UGT1A6: variants seen among roughly 807,000 people sequenced by gnomAD.
UGT1A6 encodes the protein UDP glucuronosyltransferase family 1 member A6.
UGT1A6 carries 32 observed loss-of-function variants against 44.4 expected under a neutral mutation model. That is an observed-to-expected ratio of 0.72 (90% CI 0.54 to 0.97). The LOEUF is 0.97. Among genes scored for constraint, UGT1A6 ranks in the 50% least tolerant of loss-of-function variants. The pLI is 0.00. For missense variants in UGT1A6, 685 were observed against 661.9 expected (o/e 1.03, Z -0.38); for synonymous variants, 238 against 248.5 (o/e 0.96, Z 0.40).
At chr2:233,739,410 G>A (rs1691084493) in intron 1 of UGT1A6, among the ~76,000 whole-genome samples, 1 of 152,204 alleles carries the variant, frequency 6.6e-6, no homozygotes, top group Non-Finnish European at 1.5e-5. Flanking sequence ...GCCACCCTCT[G>A]AAAGCAGCCA....
intron 1 of UGT1A6, chr2:233,713,113 G>A: frequency 6.2e-7 from 1 of 1,614,226 alleles, no homozygotes; most frequent in Non-Finnish European, 8.5e-7. Flanking sequence ...GGCAGCCACT[G>A]GCTCAGCATG....
rs562389152 is a variant in UGT1A6 at position 233,767,124 on chromosome 2, G to C, written c.952G>C (p.Ala318Pro). The C allele has an allele frequency of 6.2e-7, 1 of 1,614,112 alleles. No individual in the cohort carries two copies. The highest frequency in any genetic ancestry group is 2.2e-5 in the East Asian group (1 of 44,864). Residue 318 changes from alanine (A) to proline (P), a missense_variant, in exon 2 of 5, where the codon GCT (alanine) becomes CCT (proline). Transcript: ENST00000305139. ...GGTCTCAGAAATTCCAGAGAAGAAA[G>C]CTATGGCAATTGCTGATGCTTTGGG... ...SMVSEIPEKK[A>P]MAIADALGKI...
intron 1 of UGT1A6, chr2:233,755,307 C>T (rs547203505): frequency 5.2e-6 from 3 of 580,082 alleles, no homozygotes; most frequent in African/African-American, 1.9e-5. Context: ...ACTGGCACAG[C>T]GAGCGGCAAG....
intron 1 of UGT1A6, chr2:233,747,921 G>T: frequency 6.2e-7 from 1 of 1,613,394 alleles, no homozygotes; most frequent in Non-Finnish European, 8.5e-7. Context: ...CCTTGCCTCT[G>T]AGCTTTTTCA....
intron 1 of UGT1A6, among the ~76,000 whole-genome samples, chr2:233,739,936 GT>G (rs143578493): frequency 0.012 from 1,757 of 151,974 alleles, 85 homozygotes; most frequent in African/African-American, 0.041. Flanking sequence ...ATGTGTTAAG[GT>G]TGGTACCTGG....
At chr2:233,694,075 T>C (rs2075199005) in intron 1 of UGT1A6, among the ~76,000 whole-genome samples, 1 of 152,176 alleles carries the variant, frequency 6.6e-6, no homozygotes, top group African/African-American at 2.4e-5. Flanking sequence ...GGCTCATGCT[T>C]GGCAAGAGTA....
At chr2:233,755,025 G>C (rs766586741) in intron 1 of UGT1A6, 29 of 1,306,918 alleles carry the variant, frequency 2.2e-5, no homozygotes, top group Admixed American at 7.6e-5. Context: ...GTCCTTGAAG[G>C]GCCTGCCGCC....
intron 3 of UGT1A6, 52 bp downstream of exon 3, chr2:233,767,988 A>G (rs1699538477): frequency 6.2e-7 from 1 of 1,614,042 alleles, no homozygotes; most frequent in Admixed American, 1.7e-5. Flanking sequence ...AATTAAGAAA[A>G]TGGCTTAAGC....
rs1190713460 is a variant in UGT1A6 at position 233,755,086 on chromosome 2, G to T, written c.862-11948G>T. ...TCGCCATAGCGGTCATAGATATCGC[G>T]TTTCTACGCGTCCGACAACACCTCG... On this transcript the variant is annotated intron_variant, in intron 1 of 4. Coordinates refer to ENST00000305139, the MANE Select transcript of UGT1A6 (RefSeq NM_001072.4). The T allele has an allele frequency of 7.5e-6, 10 of 1,335,354 alleles. No homozygotes were observed. In the African/African-American group the frequency reaches 1.5e-4, roughly 20 times the overall value. 82.7% of individuals were successfully genotyped at this position (1,335,354 alleles called of 1,614,324 possible). A position where few individuals can be genotyped will look rare whatever the true frequency, so the allele number is the denominator to read the frequency against.
rs1692071385 is a variant in UGT1A6, at chr2:233,742,695, T to C, written c.862-24339T>C. 2.0e-5 allele frequency: 3 copies of C among 152,474 alleles called. 1 individual carries two copies. Among genetic ancestry groups the C allele is most frequent in the African/African-American group, 7.3e-5 (3 of 41,134 alleles). 9.4% of individuals were successfully genotyped at this position (152,474 alleles called of 1,614,324 possible). ...TTGTCCTCAGCCTTCAGAGGGAACA[T>C]GCTTCCACCGATTTCAGCTCAGTGA... is the stretch of plus-strand genomic sequence containing the variant. On this transcript the variant is annotated intron_variant, in intron 1 of 4. Coordinates refer to ENST00000305139, the MANE Select transcript of UGT1A6 (RefSeq NM_001072.4).
chr2:233,699,987 T>C (rs946702694), intron 1 of UGT1A6, among the ~76,000 whole-genome samples: 2 of 152,158 alleles, frequency 1.3e-5, no homozygotes, highest in Non-Finnish European at 2.9e-5. Context: ...CAACAAAGAA[T>C]TACTCTGGCT....
At chr2:233,695,221 G>A (rs1260804577) in intron 1 of UGT1A6, among the ~76,000 whole-genome samples, 1 of 150,756 alleles carries the variant, frequency 6.6e-6, no homozygotes, top group Admixed American at 6.6e-5. Flanking sequence ...CACCTCCTGG[G>A]TTCAAGCGAT....
At chr2:233,758,199 G>A (rs1696818445) in intron 1 of UGT1A6, among the ~76,000 whole-genome samples, 1 of 152,212 alleles carries the variant, frequency 6.6e-6, no homozygotes, top group African/African-American at 2.4e-5. Context: ...TTGCTTAGTA[G>A]TGGTTCTCTG....
At chr2:233,726,313 G>T (rs2077524359) in intron 1 of UGT1A6, among the ~76,000 whole-genome samples, 2 of 152,198 alleles carry the variant, frequency 1.3e-5, no homozygotes, top group Non-Finnish European at 2.9e-5. Context: ...GGATCATTGA[G>T]CTCAGGAGTT....
chr2:233,719,495 T>A, intron 1 of UGT1A6: 2 of 1,613,994 alleles, frequency 1.2e-6, no homozygotes, highest in Non-Finnish European at 1.7e-6. Context: ...ACATTTGCCA[T>A]ACTTTTTCTG....
chr2:233,723,423 T>C (rs948656424), intron 1 of UGT1A6, among the ~76,000 whole-genome samples: 4 of 135,658 alleles, frequency 2.9e-5, no homozygotes, highest in African/African-American at 8.8e-5. Flanking sequence ...CTGGTCAGGC[T>C]GGTCTCGAAC....
intron 1 of UGT1A6, among the ~76,000 whole-genome samples, chr2:233,736,694 G>T (rs2078793950): frequency 6.6e-6 from 1 of 152,122 alleles, no homozygotes; most frequent in South Asian, 2.1e-4. Context: ...CCTACAGATG[G>T]GGTTTTGGTG....
intron 1 of UGT1A6, chr2:233,713,741 C>T (rs1224513754): frequency 9.9e-6 from 16 of 1,613,814 alleles, no homozygotes; most frequent in African/African-American, 1.3e-5. Context: ...ATCTTGTCAG[C>T]CATGCATCTG....
chr2:233,733,312 C>T, intron 1 of UGT1A6, among the ~76,000 whole-genome samples: 1 of 152,116 alleles, frequency 6.6e-6, no homozygotes, highest in Non-Finnish European at 1.5e-5. Context: ...CTTTCTCTTG[C>T]CTGATTGCCC....
Sources: gnomAD v4.1 joint callset for allele counts (sites outside exome capture counted in the v4.1 genomes callset) on GRCh38, gnomAD v4.1.1 for gene constraint, MANE v1.5 for transcripts, NCBI Gene and HGNC (gene_info 2026-07-23, HGNC 2026-07-21) for gene names.